SLC24A2: variants seen among roughly 807,000 people sequenced by gnomAD.
SLC24A2 encodes the protein sodium/potassium/calcium exchanger 2.
Under a neutral mutation model 62.0 loss-of-function variants are expected in SLC24A2, and 36 were observed. The ratio of observed to expected loss-of-function variants is 0.58; its 90% CI spans 0.44 to 0.77. The LOEUF is 0.77. SLC24A2 is among the 30% of genes least tolerant of loss of function. The probability of loss-of-function intolerance (pLI) is 0.00; values close to 1 mark genes in which losing one functional copy is unlikely to be tolerated. For missense variants in SLC24A2, 846 were observed against 817.9 expected, an observed-to-expected ratio of 1.03 and a Z score of -0.42; for synonymous variants, 358 against 294.0, an observed-to-expected ratio of 1.22 and a Z score of -2.23.
At chr9:20,144,374 GA>G in the SLC24A2 span, among the ~76,000 whole-genome samples, 157 of 152,282 alleles carry the variant, frequency 1.0e-3, no homozygotes, top group Admixed American at 3.1e-3. Context: ...CTAGAGCAGG[GA>G]CAGGGAAAAC....
At chr9:19,898,068 G>A in the SLC24A2 span, among the ~76,000 whole-genome samples, 2 of 152,348 alleles carry the variant, frequency 1.3e-5, no homozygotes, top group South Asian at 2.1e-4. Context: ...GGCCTGGCTG[G>A]AGGAGGGAAT....
At chr9:20,030,677 T>C in the SLC24A2 span, among the ~76,000 whole-genome samples, 55 of 152,318 alleles carry the variant, frequency 3.6e-4, no homozygotes, top group African/African-American at 1.3e-3. Flanking sequence ...CCAGGTGCTG[T>C]TGTAAGAGTT....
At chr9:19,694,577 G>A (rs1403917538) in intron 2 of SLC24A2, among the ~76,000 whole-genome samples, 1 of 152,144 alleles carries the variant, frequency 6.6e-6, no homozygotes, top group African/African-American at 2.4e-5. Flanking sequence ...AGATTATTAG[G>A]TATAATATGC....
At chr9:19,901,354 A>G in the SLC24A2 span, among the ~76,000 whole-genome samples, 1 of 152,336 alleles carries the variant, frequency 6.6e-6, no homozygotes, top group Admixed American at 6.5e-5. Context: ...AACTAAAAAA[A>G]TCATGAGATC....
chr9:19,648,368 G>C (rs2118137076), intron 2 of SLC24A2, among the ~76,000 whole-genome samples: 1 of 152,284 alleles, frequency 6.6e-6, no homozygotes, highest in East Asian at 1.9e-4. Flanking sequence ...TGAGGAAACT[G>C]AGTTAAAAAA....
chr9:20,122,967 C>A, the SLC24A2 span, among the ~76,000 whole-genome samples: 1 of 152,130 alleles, frequency 6.6e-6, no homozygotes, highest in Non-Finnish European at 1.5e-5. Flanking sequence ...TCTTAAAGAC[C>A]AGCAACATCT....
At chr9:20,251,413 G>A in the SLC24A2 span, among the ~76,000 whole-genome samples, 2 of 151,752 alleles carry the variant, frequency 1.3e-5, no homozygotes, top group African/African-American at 4.8e-5. Context: ...CTAACACCAA[G>A]GAAAAAAATG....
chr9:20,247,764 C>G, the SLC24A2 span, among the ~76,000 whole-genome samples: 1 of 152,186 alleles, frequency 6.6e-6, no homozygotes, highest in South Asian at 2.1e-4. Context: ...TTTCAGGCGA[C>G]CATCACAAAG....
chr9:19,991,762 G>C, the SLC24A2 span, among the ~76,000 whole-genome samples: 1 of 152,174 alleles, frequency 6.6e-6, no homozygotes, highest in African/African-American at 2.4e-5. Flanking sequence ...AATATGATGA[G>C]ATTTATTTTT....
At chr9:20,033,456 A>G in the SLC24A2 span, among the ~76,000 whole-genome samples, 188 of 144,200 alleles carry the variant, frequency 1.3e-3, 2 homozygotes, top group African/African-American at 4.4e-3. Flanking sequence ...ACTGGTCTTA[A>G]GAAATGTTTG....
At chr9:20,196,801 C>T in the SLC24A2 span, among the ~76,000 whole-genome samples, 1 of 152,072 alleles carries the variant, frequency 6.6e-6, no homozygotes, top group Non-Finnish European at 1.5e-5. Flanking sequence ...CATGAAAATG[C>T]ATAAAAAAAC....
chr9:19,971,137 T>G, the SLC24A2 span, among the ~76,000 whole-genome samples: 1 of 152,190 alleles, frequency 6.6e-6, no homozygotes, highest in Non-Finnish European at 1.5e-5. Flanking sequence ...ATTATCCTTC[T>G]GCTCGCACAG....
chr9:19,807,503 T>C, the SLC24A2 span, among the ~76,000 whole-genome samples: 1 of 152,168 alleles, frequency 6.6e-6, no homozygotes, highest in Non-Finnish European at 1.5e-5. Context: ...TAGGTATATT[T>C]AGGAGAAAGG....
At chr9:19,832,764 T>A in the SLC24A2 span, among the ~76,000 whole-genome samples, 1 of 152,134 alleles carries the variant, frequency 6.6e-6, no homozygotes, top group Non-Finnish European at 1.5e-5. Context: ...ACTAAACAGC[T>A]TCTGCACAGA....
upstream of SLC24A2, among the ~76,000 whole-genome samples, chr9:19,791,801 G>T (rs746836174): frequency 6.6e-6 from 1 of 152,220 alleles, no homozygotes; most frequent in African/African-American, 2.4e-5. Context: ...GACTCAAGTA[G>T]ATTAATCAAT....
chr9:19,986,375 G>A, the SLC24A2 span, among the ~76,000 whole-genome samples: 528 of 151,212 alleles, frequency 3.5e-3, 5 homozygotes, highest in African/African-American at 0.011. Flanking sequence ...AAAACTGGCC[G>A]TTCCTCAAAA....
intron 7 of SLC24A2, among the ~76,000 whole-genome samples, chr9:19,559,265 G>C (rs1835274459): frequency 6.6e-6 from 1 of 152,122 alleles, no homozygotes; most frequent in Non-Finnish European, 1.5e-5. Flanking sequence ...TTTGAAGGTG[G>C]AAAATGCAAA....
intron 2 of SLC24A2, among the ~76,000 whole-genome samples, chr9:19,718,149 G>C (rs990749504): frequency 1.3e-5 from 2 of 151,262 alleles, no homozygotes; most frequent in South Asian, 4.2e-4. Context: ...GCTAATTTTT[G>C]TATTTTTAGT....
the SLC24A2 span, among the ~76,000 whole-genome samples, chr9:20,271,583 C>G: frequency 4.6e-5 from 7 of 152,176 alleles, no homozygotes; most frequent in Non-Finnish European, 7.4e-5. Context: ...GTGCAATAGA[C>G]AAATGATATC....
Sources: allele counts gnomAD v4.1 joint callset (sites outside exome capture counted in the v4.1 genomes callset), GRCh38; gene constraint gnomAD v4.1.1; transcripts MANE v1.5; gene names NCBI Gene and HGNC (gene_info 2026-07-23, HGNC 2026-07-21).